Variants in IFT80 observed in about 807,000 individuals in gnomAD.
The protein encoded by IFT80 is intraflagellar transport protein 80 homolog.
A neutral mutation model predicts 107.9 loss-of-function variants in IFT80; 79 were observed. The ratio of observed to expected loss-of-function variants is 0.73; its 90% CI spans 0.61 to 0.88. The LOEUF is 0.88. Among genes scored for constraint, IFT80 ranks in the 40% least tolerant of loss-of-function variants. The pLI is 0.00. For synonymous variants in IFT80, 299 were observed against 300.9 expected, an observed-to-expected ratio of 0.99 and a Z score of 0.07; for missense variants, 797 against 914.2, an observed-to-expected ratio of 0.87 and a Z score of 1.65.
intron 8 of IFT80, among the ~76,000 whole-genome samples, chr3:160,340,232 C>A (rs1441201695): frequency 2.0e-5 from 3 of 152,052 alleles, no homozygotes; most frequent in Non-Finnish European, 4.4e-5. Flanking sequence ...AAGGTGAAAT[C>A]CTCCCCAAGT....
chr3:160,343,223 C>A (rs1488250704), intron 8 of IFT80, among the ~76,000 whole-genome samples: 3 of 152,044 alleles, frequency 2.0e-5, no homozygotes, highest in African/African-American at 7.2e-5. Flanking sequence ...TAAGTCACTG[C>A]AATTATTTTA....
At chr3:160,321,132 C>T (rs1214052264) in intron 8 of IFT80, among the ~76,000 whole-genome samples, 2 of 151,732 alleles carry the variant, frequency 1.3e-5, no homozygotes, top group Non-Finnish European at 2.9e-5. Flanking sequence ...CTAGAAACTT[C>T]CTTTTAGAAA....
intron 19 of IFT80, among the ~76,000 whole-genome samples, chr3:160,267,996 A>G (rs1160671146): frequency 6.6e-6 from 1 of 152,218 alleles, no homozygotes; most frequent in Non-Finnish European, 1.5e-5. Context: ...GGTGCAACCT[A>G]GCTTTCTAGA....
intron 5 of IFT80, among the ~76,000 whole-genome samples, chr3:160,369,184 CTT>C (rs1722067529): frequency 6.6e-6 from 1 of 151,802 alleles, no homozygotes; most frequent in African/African-American, 2.4e-5. Context: ...ACAGGTATAA[CTT>C]ATATAATAAA....
At chr3:160,340,449 G>A (rs981985475) in intron 8 of IFT80, among the ~76,000 whole-genome samples, 1 of 152,130 alleles carries the variant, frequency 6.6e-6, no homozygotes, top group Non-Finnish European at 1.5e-5. Flanking sequence ...TAAAATCAAG[G>A]TGCTAACAAG....
intron 12 of IFT80, among the ~76,000 whole-genome samples, chr3:160,297,978 C>A: frequency 6.6e-6 from 1 of 152,092 alleles, no homozygotes; most frequent in East Asian, 1.9e-4. Context: ...AGTAACTACT[C>A]CCCAACTTCC....
chr3:160,390,697 C>A (rs373223536), intron 1 of IFT80, among the ~76,000 whole-genome samples: 1 of 152,188 alleles, frequency 6.6e-6, no homozygotes, highest in Non-Finnish European at 1.5e-5. Context: ...CCACCTAGAA[C>A]AAAGACTATG....
intron 8 of IFT80, among the ~76,000 whole-genome samples, chr3:160,341,749 A>T (rs1010019285): frequency 9.2e-5 from 14 of 152,228 alleles, no homozygotes; most frequent in African/African-American, 3.4e-4. Context: ...AAAGAAAAAA[A>T]GGACCTGGAT....
At chr3:160,333,994 C>T (rs2108321915) in intron 8 of IFT80, among the ~76,000 whole-genome samples, 1 of 152,174 alleles carries the variant, frequency 6.6e-6, no homozygotes, top group Admixed American at 6.6e-5. Context: ...ACTAGGATGG[C>T]TATGACATCA....
intron 5 of IFT80, among the ~76,000 whole-genome samples, chr3:160,371,160 C>G (rs1254664428): frequency 6.6e-6 from 1 of 152,198 alleles, no homozygotes; most frequent in African/African-American, 2.4e-5. Flanking sequence ...AGTTAGCTCC[C>G]ACTCACCTGA....
At chr3:160,396,828 A>G (rs1041822399) in intron 1 of IFT80, among the ~76,000 whole-genome samples, 1 of 152,160 alleles carries the variant, frequency 6.6e-6, no homozygotes, top group Non-Finnish European at 1.5e-5. Flanking sequence ...TGTGACTCTA[A>G]TATCTTCTCA....
chr3:160,345,149 C>T (rs1426660092), intron 8 of IFT80, among the ~76,000 whole-genome samples: 1 of 152,176 alleles, frequency 6.6e-6, no homozygotes, highest in African/African-American at 2.4e-5. Flanking sequence ...TTTGTTGCAG[C>T]TCTGTTCACA....
At chr3:160,276,703 C>T (rs1193134967) in intron 18 of IFT80, among the ~76,000 whole-genome samples, 1 of 152,192 alleles carries the variant, frequency 6.6e-6, no homozygotes, top group Non-Finnish European at 1.5e-5. Flanking sequence ...TTGACCAATC[C>T]TTTCCTCTTT....
rs144869377 is a variant in IFT80, at chr3:160,282,341, T to A, written c.1516+137A>T. On this transcript the variant is annotated intron_variant, in intron 14 of 19. Coordinates refer to ENST00000326448, the MANE Select transcript of IFT80 (RefSeq NM_020800.3). ...TAATAAACTTTCACTCCTACTTTTTTAAAAAAAGGGTTAAATAGCTAAGAA... is the reference window on the plus strand; with the variant it reads ...TAATAAACTTTCACTCCTACTTTTTAAAAAAAAGGGTTAAATAGCTAAGAA... The A allele has an allele frequency of 4.1e-4, 264 of 649,714 alleles. 1 individual carries two copies. The highest frequency in any genetic ancestry group is 2.8e-3 in the South Asian group (117 of 41,436). The allele number at this position is 649,714 out of a possible 1,614,324, so 40.2% of individuals were successfully genotyped here.
Position 160,285,878 on chromosome 3 carries a change from A to G in IFT80, c.1316-10T>C. Reference sequence around the variant, plus strand: ...TCAAAGAGGAAGATTACTTGAAAAAAAGTAGAACATTAATTAATGTGTTAT... The same window carrying G: ...TCAAAGAGGAAGATTACTTGAAAAAGAGTAGAACATTAATTAATGTGTTAT... On this transcript the variant is annotated splice_polypyrimidine_tract_variant and intron_variant, in intron 12 of 19. Coordinates refer to ENST00000326448, the MANE Select transcript of IFT80 (RefSeq NM_020800.3). The G allele has an allele frequency of 2.5e-6, 4 of 1,599,412 alleles. No homozygotes were observed. The highest frequency in any genetic ancestry group is 3.4e-6 in the Non-Finnish European group (4 of 1,167,546).
At chr3:160,283,729 A>G (rs1405283074) in intron 13 of IFT80, among the ~76,000 whole-genome samples, 1 of 152,202 alleles carries the variant, frequency 6.6e-6, no homozygotes, top group Non-Finnish European at 1.5e-5. Context: ...TTAAACAGAT[A>G]TGATTCTCCT....
intron 12 of IFT80, among the ~76,000 whole-genome samples, chr3:160,293,132 G>A (rs1181871648): frequency 2.6e-5 from 4 of 152,184 alleles, no homozygotes; most frequent in Non-Finnish European, 5.9e-5. Flanking sequence ...TTACATTAAT[G>A]CTTCAAAAGA....
intron 8 of IFT80, among the ~76,000 whole-genome samples, chr3:160,347,063 G>C (rs1327227239): frequency 6.6e-6 from 1 of 151,990 alleles, no homozygotes; most frequent in Non-Finnish European, 1.5e-5. Context: ...ACTATGAGAG[G>C]TCAAAAAGTG....
At chr3:160,279,453 A>G in intron 15 of IFT80, 89 bp from the exon 16 acceptor site, 3 of 1,006,954 alleles carry the variant, frequency 3.0e-6, no homozygotes, top group South Asian at 2.7e-5. Flanking sequence ...GGACCGTGAA[A>G]TACACACGGA....
Sources: allele counts gnomAD v4.1 joint callset (sites outside exome capture counted in the v4.1 genomes callset), GRCh38; gene constraint gnomAD v4.1.1; transcripts MANE v1.5; gene names NCBI Gene and HGNC (gene_info 2026-07-23, HGNC 2026-07-21).